Variants in ZBTB44 observed in about 807,000 individuals in gnomAD.
ZBTB44 encodes zinc finger and BTB domain-containing protein 44.
A neutral mutation model predicts 54.0 loss-of-function variants in ZBTB44; 15 were observed. The ratio of observed to expected loss-of-function variants is 0.28; its 90% CI spans 0.19 to 0.43. ZBTB44 has a LOEUF of 0.43. Among genes scored for constraint, ZBTB44 ranks in the 20% least tolerant of loss-of-function variants. The pLI is 1.00. For synonymous variants in ZBTB44, 230 were observed against 250.1 expected (o/e 0.92, Z 0.76); for missense variants, 487 against 707.1 (o/e 0.69, Z 3.53).
At chr11:130,238,817 C>A in intron 3 of ZBTB44, 1 of 493,058 alleles carries the variant, frequency 2.0e-6, no homozygotes, top group Non-Finnish European at 3.4e-6. Context: ...TTTTTTGAGA[C>A]GGAGTTAGGC....
At chr11:130,258,520 CCA>C (rs1938609807) in intron 2 of ZBTB44, among the ~76,000 whole-genome samples, 1 of 152,336 alleles carries the variant, frequency 6.6e-6, no homozygotes, top group African/African-American at 2.4e-5. Context: ...TTACTACCTA[CCA>C]CTAAGATAAA....
chr11:130,289,054 A>T (rs761796560), intron 1 of ZBTB44, among the ~76,000 whole-genome samples: 2 of 152,192 alleles, frequency 1.3e-5, no homozygotes, highest in African/African-American at 2.4e-5. Context: ...GCATAGCAAA[A>T]AGTAGTAAAA....
chr11:130,256,655 AAAAT>A (rs976935750), intron 2 of ZBTB44, among the ~76,000 whole-genome samples: 9 of 147,756 alleles, frequency 6.1e-5, no homozygotes, highest in Non-Finnish European at 1.2e-4. Flanking sequence ...CTCCGTCTCA[AAAAT>A]AAATAAATAA....
chr11:130,264,349 G>C (rs1160171927), intron 1 of ZBTB44, among the ~76,000 whole-genome samples: 1 of 152,128 alleles, frequency 6.6e-6, no homozygotes, highest in Non-Finnish European at 1.5e-5. Flanking sequence ...TTGGGGAAGA[G>C]AGAAAGAAAG....
intron 1 of ZBTB44, among the ~76,000 whole-genome samples, chr11:130,312,549 G>A (rs1416627107): frequency 6.6e-6 from 1 of 152,132 alleles, no homozygotes; most frequent in African/African-American, 2.4e-5. Context: ...ATGACATTAG[G>A]AGGGCACAAA....
intron 1 of ZBTB44, among the ~76,000 whole-genome samples, chr11:130,290,071 T>C (rs1300897681): frequency 1.3e-5 from 2 of 152,130 alleles, no homozygotes; most frequent in Admixed American, 6.6e-5. Flanking sequence ...AATGGGGAGA[T>C]TATCCCAGAT....
intron 1 of ZBTB44, among the ~76,000 whole-genome samples, chr11:130,292,176 CTT>C (rs1332514467): frequency 6.6e-6 from 1 of 152,112 alleles, no homozygotes; most frequent in Admixed American, 6.5e-5. Flanking sequence ...TGTTGATAGA[CTT>C]GAGTTGTTTG....
intron 1 of ZBTB44, among the ~76,000 whole-genome samples, chr11:130,274,286 C>T (rs1939893995): frequency 6.6e-6 from 1 of 152,120 alleles, no homozygotes; most frequent in African/African-American, 2.4e-5. Flanking sequence ...TTGGGATGCT[C>T]AACGTGTATA....
rs550839380 is a variant in ZBTB44 at position 130,309,065 on chromosome 11, C to T, written c.-57+5310G>A. 5.3e-5 allele frequency among the ~76,000 whole-genome samples: 8 copies of T among 152,334 alleles called. No homozygotes were observed. The South Asian group carries it at 1.7e-3, about 32-fold the overall frequency. On this transcript the variant is annotated intron_variant, in intron 1 of 7. Coordinates refer to ENST00000357899, the MANE Select transcript of ZBTB44 (RefSeq NM_001301098.2). Reference sequence around the variant, plus strand: ...CAGCTGACAGAAAAATGCAAGTTAGCTCACTGCAACCTTGGCCTTATCAGT... The same window carrying T: ...CAGCTGACAGAAAAATGCAAGTTAGTTCACTGCAACCTTGGCCTTATCAGT...
intron 1 of ZBTB44, among the ~76,000 whole-genome samples, chr11:130,277,664 ATTTC>A: frequency 6.6e-6 from 1 of 152,248 alleles, no homozygotes; most frequent in South Asian, 2.1e-4. Context: ...AAAAATGTTA[ATTTC>A]TTTTTTTTAA....
At chr11:130,265,222 T>C (rs887847986) in intron 1 of ZBTB44, among the ~76,000 whole-genome samples, 24 of 152,068 alleles carry the variant, frequency 1.6e-4, no homozygotes, top group African/African-American at 5.8e-4. Context: ...GAGCTGCACG[T>C]TTCTCACTTT....
intron 3 of ZBTB44, 181 bp from the exon 4 acceptor site, chr11:130,238,788 CTTTTGT>C: frequency 1.5e-6 from 1 of 661,860 alleles, no homozygotes. Context: ...TCCAGAATGC[CTTTTGT>C]TTTTTTTTTT....
intron 1 of ZBTB44, chr11:130,295,962 T>C: frequency 1.3e-6 from 2 of 1,534,744 alleles, no homozygotes; most frequent in Non-Finnish European, 1.8e-6. Flanking sequence ...TCAACATCAC[T>C]GTGGCCACAC....
chr11:130,281,515 CAAAATAAATAAATAAATAAA>C (rs1940502764), intron 1 of ZBTB44, among the ~76,000 whole-genome samples: 3 of 119,998 alleles, frequency 2.5e-5, no homozygotes, highest in African/African-American at 1.0e-4. Flanking sequence ...GACCCTGTCT[CAAAATAAATAAATAAATAAA>C]TAAATAAATA....
chr11:130,282,690 A>G (rs1287333363), intron 1 of ZBTB44, among the ~76,000 whole-genome samples: 2 of 152,188 alleles, frequency 1.3e-5, no homozygotes, highest in Non-Finnish European at 2.9e-5. Context: ...CCAAACATAG[A>G]ATTCTGTATT....
At chr11:130,312,798 T>C (rs1032185949) in intron 1 of ZBTB44, among the ~76,000 whole-genome samples, 6 of 152,228 alleles carry the variant, frequency 3.9e-5, no homozygotes, top group Non-Finnish European at 5.9e-5. Flanking sequence ...CTGAGGAATT[T>C]TGAAGATGGA....
intron 1 of ZBTB44, among the ~76,000 whole-genome samples, chr11:130,308,616 C>A (rs1411466148): frequency 1.3e-5 from 2 of 152,194 alleles, no homozygotes; most frequent in South Asian, 2.1e-4. Flanking sequence ...CAAATGTTAG[C>A]ATTATTATCA....
At chr11:130,287,283 A>T (rs113939527) in intron 1 of ZBTB44, among the ~76,000 whole-genome samples, 1,972 of 152,252 alleles carry the variant, frequency 0.013, 47 homozygotes, top group African/African-American at 0.045. Flanking sequence ...AAGTTTATAA[A>T]AATTACAGAT....
Position 130,229,624 on chromosome 11 carries a change from A to G in ZBTB44, c.*2140T>C, listed in dbSNP as rs1953801239. On this transcript the variant is annotated 3_prime_UTR_variant, in exon 8 of 8. Transcript: ENST00000357899. ...ATAGTTTGAGTTTAAAGCCTGTGGG[A>G]GTATGCTTAGTTTTAATATTCCTCA... 6.6e-6 allele frequency: 1 copy of G among 152,178 alleles called. No homozygotes were observed. Among genetic ancestry groups the G allele is most frequent in the African/African-American group, 2.4e-5 (1 of 41,458 alleles). The allele number at this position is 152,178 out of a possible 1,614,324, so 9.4% of individuals were successfully genotyped here.
Sources: allele counts gnomAD v4.1 joint callset (sites outside exome capture counted in the v4.1 genomes callset), GRCh38; gene constraint gnomAD v4.1.1; transcripts MANE v1.5; gene names NCBI Gene and HGNC (gene_info 2026-07-23, HGNC 2026-07-21).